ZNF804B: variants seen among roughly 807,000 people sequenced by gnomAD.
The protein encoded by ZNF804B is zinc finger 804B.
A neutral mutation model predicts 101.4 loss-of-function variants in ZNF804B; 80 were observed. That is an observed-to-expected ratio of 0.79 (90% CI 0.66 to 0.95). The LOEUF is 0.95. Among genes scored for constraint, ZNF804B ranks in the 40% least tolerant of loss-of-function variants. The pLI, the probability that ZNF804B is intolerant of heterozygous loss-of-function variation, is 0.00. For missense variants in ZNF804B, 1,673 were observed against 1,561.9 expected, an observed-to-expected ratio of 1.07 and a Z score of -1.20; for synonymous variants, 622 against 558.8, an observed-to-expected ratio of 1.11 and a Z score of -1.59.
intron 2 of ZNF804B, among the ~76,000 whole-genome samples, chr7:89,293,788 C>T (rs894544497): frequency 2.7e-4 from 36 of 131,110 alleles, no homozygotes; most frequent in Non-Finnish European, 4.5e-4. Context: ...GACTCCGTCT[C>T]AAAAAAAAAG....
At chr7:88,870,269 C>T (rs1034275245) in intron 1 of ZNF804B, among the ~76,000 whole-genome samples, 2 of 150,238 alleles carry the variant, frequency 1.3e-5, no homozygotes, top group Non-Finnish European at 3.0e-5. Flanking sequence ...CCTGTAGTCC[C>T]AGCTACACGG....
intron 1 of ZNF804B, among the ~76,000 whole-genome samples, chr7:88,779,819 A>T (rs1790196047): frequency 6.6e-6 from 1 of 152,110 alleles, no homozygotes; most frequent in Admixed American, 6.6e-5. Flanking sequence ...TAAATTGTTG[A>T]TTCACATATC....
chr7:89,146,422 G>A (rs1375376462), intron 1 of ZNF804B, among the ~76,000 whole-genome samples: 5 of 151,942 alleles, frequency 3.3e-5, no homozygotes. Flanking sequence ...GAAATAAATT[G>A]GAAATCAACA....
At chr7:88,987,948 T>C (rs1419929972) in intron 1 of ZNF804B, among the ~76,000 whole-genome samples, 3 of 152,026 alleles carry the variant, frequency 2.0e-5, no homozygotes, top group African/African-American at 7.2e-5. Context: ...ATTGTTCTAC[T>C]CTCTACATCC....
chr7:89,031,036 G>A (rs1788824410), intron 1 of ZNF804B, among the ~76,000 whole-genome samples: 3 of 151,852 alleles, frequency 2.0e-5, no homozygotes, highest in African/African-American at 7.3e-5. Flanking sequence ...GGGGGGTTGG[G>A]GGAGGGATAG....
chr7:89,287,732 G>A (rs1216063747), intron 2 of ZNF804B, among the ~76,000 whole-genome samples: 1 of 152,044 alleles, frequency 6.6e-6, no homozygotes, highest in Non-Finnish European at 1.5e-5. Context: ...ACAATGCTGA[G>A]GAGACACTAA....
chr7:89,230,146 CAAAGT>C lies in ZNF804B; in HGVS notation c.249+11855_249+11859del, dbSNP rs547762302. ...TGCAAAAAGAACAGCAAATTAAATT[CAAAGT>C]AAACAGAAGAGATAAAAATTAGAGC... On this transcript the variant is annotated intron_variant, in intron 2 of 3. Coordinates refer to ENST00000333190, the MANE Select transcript of ZNF804B (RefSeq NM_181646.5). Among the ~76,000 whole-genome samples, 10 of 151,864 alleles carry C rather than the reference CAAAGT, an allele frequency of 6.6e-5. No individual in the cohort carries two copies. In the South Asian group the frequency reaches 2.1e-3, roughly 32 times the overall value.
intron 1 of ZNF804B, among the ~76,000 whole-genome samples, chr7:89,207,178 C>G (rs1788726542): frequency 6.6e-6 from 1 of 152,214 alleles, no homozygotes; most frequent in Non-Finnish European, 1.5e-5. Flanking sequence ...GGTATCTTTA[C>G]AGCAGCACCC....
chr7:89,120,925 A>G (rs1000911993), intron 1 of ZNF804B, among the ~76,000 whole-genome samples: 5 of 152,236 alleles, frequency 3.3e-5, no homozygotes, highest in African/African-American at 1.2e-4. Flanking sequence ...TTGAGAAGCT[A>G]CATTGCTTTA....
chr7:89,128,251 T>C (rs1221970673), intron 1 of ZNF804B, among the ~76,000 whole-genome samples: 3 of 151,932 alleles, frequency 2.0e-5, no homozygotes, highest in African/African-American at 7.2e-5. Context: ...TGTTAAGCAA[T>C]ATTAAAATTG....
At chr7:89,229,060 G>T (rs951745553) in intron 2 of ZNF804B, among the ~76,000 whole-genome samples, 1 of 152,200 alleles carries the variant, frequency 6.6e-6, no homozygotes, top group Non-Finnish European at 1.5e-5. Flanking sequence ...TGGAACTCGC[G>T]CTGGCACGCA....
intron 1 of ZNF804B, among the ~76,000 whole-genome samples, chr7:89,017,462 T>C (rs1469424877): frequency 6.6e-6 from 1 of 152,218 alleles, no homozygotes; most frequent in Non-Finnish European, 1.5e-5. Flanking sequence ...AGTATGATAT[T>C]GGCTATGTTT....
Position 89,175,072 on chromosome 7 carries a change from C to A in ZNF804B, c.109-43083C>A, listed in dbSNP as rs182941584. 1.5e-3 allele frequency among the ~76,000 whole-genome samples: 229 copies of A among 152,044 alleles called. 1 individual carries two copies. Among genetic ancestry groups the A allele is most frequent in the African/African-American group, 4.5e-3 (187 of 41,506 alleles). On this transcript the variant is annotated intron_variant, in intron 1 of 3. Coordinates refer to ENST00000333190, the MANE Select transcript of ZNF804B (RefSeq NM_181646.5). ...TTCACTTTGTTGATTGTTTCCTTTG[C>A]CATGCAGAAGCTTTTTAAGTTGATG...
At position 89,336,728 on chromosome 7, in the gene ZNF804B, C is replaced by T. The variant is rs368481408; in HGVS notation, c.3746C>T (p.Ser1249Leu). 1.2e-4 allele frequency: 186 copies of T among 1,613,950 alleles called. No homozygotes were observed. Among genetic ancestry groups the T allele is most frequent in the Non-Finnish European group, 1.5e-4 (176 of 1,180,002 alleles). Residue 1249 changes from serine (S) to leucine (L), a missense_variant, in exon 4 of 4, where the codon TCG becomes TTG. Transcript: ENST00000333190. ...SQAHFSPISF[S>L]TLTPTIIPAH... ...GCACATTTCAGTCCTATTTCATTTT[C>T]GACTCTGACTCCAACCATTATCCCT... is the stretch of plus-strand genomic sequence containing the variant.
In ZNF804B at chr7:89,337,182, T is replaced by C; in HGVS notation, c.*150T>C. ...ATATAAATATGATCTGAATTGCTAA[T>C]ACTAAAACAAGAGCATTTTAATAAT... On this transcript the variant is annotated 3_prime_UTR_variant, in exon 4 of 4. Coordinates refer to ENST00000333190, the MANE Select transcript of ZNF804B (RefSeq NM_181646.5). The C allele has an allele frequency of 1.2e-6, 1 of 835,526 alleles. No homozygotes were observed. The allele number at this position is 835,526 out of a possible 1,614,324, so 51.8% of individuals were successfully genotyped here.
Position 89,154,877 on chromosome 7 carries a change from T to C in ZNF804B, c.109-63278T>C, listed in dbSNP as rs1396633444. 2.6e-5 allele frequency among the ~76,000 whole-genome samples: 4 copies of C among 151,998 alleles called. No homozygotes were observed. In the East Asian group the frequency reaches 7.7e-4, roughly 29 times the overall value. On this transcript the variant is annotated intron_variant, in intron 1 of 3. Transcript: ENST00000333190. ...ATAACTACAATAGTATAAATATACA[T>C]TTAAAAAATCCTGTAATTGTGTTAC...
At chr7:89,310,452 A>G (rs1440803008) in intron 2 of ZNF804B, among the ~76,000 whole-genome samples, 2 of 152,174 alleles carry the variant, frequency 1.3e-5, no homozygotes, top group African/African-American at 2.4e-5. Flanking sequence ...ACCAGAGTCT[A>G]ATTTCATTAA....
intron 1 of ZNF804B, among the ~76,000 whole-genome samples, chr7:89,049,281 C>G (rs1789160401): frequency 6.6e-6 from 1 of 152,114 alleles, no homozygotes; most frequent in Non-Finnish European, 1.5e-5. Flanking sequence ...GCCCAATGCT[C>G]CACCAAAGGG....
intron 1 of ZNF804B, among the ~76,000 whole-genome samples, chr7:88,907,269 G>A (rs1036052195): frequency 2.0e-5 from 3 of 151,954 alleles, no homozygotes; most frequent in Non-Finnish European, 4.4e-5. Flanking sequence ...ACAAGGTTGA[G>A]TCTTGTCTTT....
Sources: allele counts gnomAD v4.1 joint callset (sites outside exome capture counted in the v4.1 genomes callset), GRCh38; gene constraint gnomAD v4.1.1; transcripts MANE v1.5; gene names NCBI Gene and HGNC (gene_info 2026-07-23, HGNC 2026-07-21).